The following MOB3B variants were observed in gnomAD, a reference collection of about 807,000 sequenced individuals.
MOB3B encodes MOB kinase activator 3B.
MOB3B carries 7 observed loss-of-function variants against 18.7 expected under a neutral mutation model. That is an observed-to-expected ratio of 0.37 (90% CI 0.21 to 0.70). MOB3B has a LOEUF of 0.70. Among genes scored for constraint, MOB3B ranks in the 30% least tolerant of loss-of-function variants. The pLI is 0.52. For synonymous variants in MOB3B, 111 were observed against 99.9 expected, an observed-to-expected ratio of 1.11 and a Z score of -0.66; for missense variants, 253 against 281.3, an observed-to-expected ratio of 0.90 and a Z score of 0.72.
At chr9:27,458,417 G>A (rs941365544) in intron 1 of MOB3B, among the ~76,000 whole-genome samples, 50 of 151,772 alleles carry the variant, frequency 3.3e-4, no homozygotes, top group African/African-American at 1.0e-3. Flanking sequence ...AAAGCCTTGC[G>A]TGGACTGGCA....
At chr9:27,375,606 G>A (rs1269709115) in intron 2 of MOB3B, among the ~76,000 whole-genome samples, 4 of 152,156 alleles carry the variant, frequency 2.6e-5, no homozygotes, top group African/African-American at 9.7e-5. Context: ...CTGTGGAGGA[G>A]TGTGTACTCG....
intron 3 of MOB3B, chr9:27,358,764 A>G (rs1176248466): frequency 1.5e-6 from 1 of 650,268 alleles, no homozygotes; most frequent in Non-Finnish European, 2.9e-6. Context: ...TTTGGAATTG[A>G]AAGTTAAAGC....
At chr9:27,333,548 T>C (rs1269096489) in intron 3 of MOB3B, among the ~76,000 whole-genome samples, 2 of 152,162 alleles carry the variant, frequency 1.3e-5, no homozygotes, top group African/African-American at 4.8e-5. Context: ...CCCTGTGTAT[T>C]AAGGCAGGCC....
rs898822618 is a variant in MOB3B, at chr9:27,325,248, C to G, written c.*5339G>C. 1.3e-5 allele frequency: 2 copies of G among 151,930 alleles called. No individual in the cohort carries two copies. The highest frequency in any genetic ancestry group is 1.3e-4 in the Admixed American group (2 of 15,238). The allele number at this position is 151,930 out of a possible 1,614,324, so 9.4% of individuals were successfully genotyped here. On this transcript the variant is annotated 3_prime_UTR_variant, in exon 4 of 4. Coordinates refer to ENST00000262244, the MANE Select transcript of MOB3B (RefSeq NM_024761.5). The stretch of plus-strand genomic sequence containing the variant: ...TTTTTATTTGTGACATTTGAATACC[C>G]AAGCTCACATATAACTGATTTCCTA...
At chr9:27,459,749 C>A (rs1159173921) in intron 1 of MOB3B, among the ~76,000 whole-genome samples, 1 of 151,862 alleles carries the variant, frequency 6.6e-6, no homozygotes, top group East Asian at 1.9e-4. Context: ...CAGTGAATAC[C>A]TTTTCATAAA....
At chr9:27,517,647 CAAAAAAA>C (rs756559270) in intron 1 of MOB3B, among the ~76,000 whole-genome samples, 4 of 54,272 alleles carry the variant, frequency 7.4e-5, no homozygotes, top group African/African-American at 1.6e-4. Flanking sequence ...GACTCTGTCT[CAAAAAAA>C]AAAAAAAAAA....
intron 3 of MOB3B, among the ~76,000 whole-genome samples, chr9:27,346,644 A>G (rs979355329): frequency 1.1e-4 from 17 of 152,206 alleles, no homozygotes; most frequent in Admixed American, 2.6e-4. Context: ...CTTCTATATG[A>G]AAATATTTTA....
At chr9:27,349,640 T>C (rs928392125) in intron 3 of MOB3B, among the ~76,000 whole-genome samples, 4 of 152,102 alleles carry the variant, frequency 2.6e-5, no homozygotes, top group Non-Finnish European at 5.9e-5. Flanking sequence ...GCAGAGAACA[T>C]TAAAAAAATA....
intron 2 of MOB3B, among the ~76,000 whole-genome samples, chr9:27,420,740 C>A (rs982305393): frequency 1.3e-5 from 2 of 150,382 alleles, no homozygotes; most frequent in Admixed American, 1.3e-4. Context: ...GGGAGCTAAG[C>A]TATGAGGATG....
chr9:27,402,297 T>C (rs1343929878), intron 2 of MOB3B, among the ~76,000 whole-genome samples: 1 of 152,222 alleles, frequency 6.6e-6, no homozygotes, highest in Non-Finnish European at 1.5e-5. Flanking sequence ...TGTATTTATA[T>C]GTTTCTATCA....
intron 2 of MOB3B, among the ~76,000 whole-genome samples, chr9:27,371,201 C>A (rs2131367141): frequency 6.6e-6 from 1 of 152,276 alleles, no homozygotes; most frequent in South Asian, 2.1e-4. Flanking sequence ...GAGGTGGGGG[C>A]AAGGGAGAAG....
intron 2 of MOB3B, among the ~76,000 whole-genome samples, chr9:27,442,771 C>T (rs983201926): frequency 6.6e-6 from 1 of 152,190 alleles, no homozygotes; most frequent in African/African-American, 2.4e-5. Flanking sequence ...GCTCTCTCAG[C>T]ACTTTTGTGC....
rs10812576 is a variant in MOB3B at position 27,373,011 on chromosome 9, T to G, written c.419-13775A>C. ...CCAACTATTCTAAAGAAAATGTTTA[T>G]ATTAAGAGTTTATTTATATTTAAAA... On this transcript the variant is annotated intron_variant, in intron 2 of 3. Coordinates refer to ENST00000262244, the MANE Select transcript of MOB3B (RefSeq NM_024761.5). Among the ~76,000 whole-genome samples, 91 of 152,238 alleles carry G rather than the reference T, an allele frequency of 6.0e-4. 3 individuals are homozygous for G. In the South Asian group the frequency reaches 0.018, roughly 30 times the overall value.
chr9:27,484,531 TAA>T (rs1819706609), intron 1 of MOB3B, among the ~76,000 whole-genome samples: 1 of 152,198 alleles, frequency 6.6e-6, no homozygotes. Context: ...TTACTTTAAA[TAA>T]AAAGCATAAA....
chr9:27,346,512 A>T (rs1294154899), intron 3 of MOB3B, among the ~76,000 whole-genome samples: 2 of 152,218 alleles, frequency 1.3e-5, no homozygotes, highest in Non-Finnish European at 2.9e-5. Context: ...TAACACATAA[A>T]CACATTTCCT....
rs1820243739 is a variant in MOB3B at position 27,516,915 on chromosome 9, T to C, written c.-199+12640A>G. On this transcript the variant is annotated intron_variant, in intron 1 of 3. Coordinates refer to ENST00000262244, the MANE Select transcript of MOB3B (RefSeq NM_024761.5). Reference sequence around the variant, plus strand: ...ATCTCCACTTAGCTATCTCAGACAATTCAAAGCAACTTGTCTATAACAGAA... The same window carrying C: ...ATCTCCACTTAGCTATCTCAGACAACTCAAAGCAACTTGTCTATAACAGAA... Among the ~76,000 whole-genome samples the C allele has an allele frequency of 2.6e-5, 4 of 152,136 alleles. No individual in the cohort carries two copies. The South Asian group carries it at 8.3e-4, about 31-fold the overall frequency.
chr9:27,495,510 A>G (rs897567917), intron 1 of MOB3B, among the ~76,000 whole-genome samples: 6 of 152,126 alleles, frequency 3.9e-5, no homozygotes, highest in African/African-American at 1.4e-4. Flanking sequence ...TGCCTGTTCC[A>G]CTAGGCTGGG....
At chr9:27,464,585 T>C (rs1261209749) in intron 1 of MOB3B, among the ~76,000 whole-genome samples, 1 of 152,232 alleles carries the variant, frequency 6.6e-6, no homozygotes, top group East Asian at 1.9e-4. Context: ...AGTTACAACC[T>C]CTGTATTCTG....
intron 1 of MOB3B, among the ~76,000 whole-genome samples, chr9:27,502,315 T>A (rs1025957528): frequency 6.6e-6 from 1 of 152,234 alleles, no homozygotes; most frequent in Non-Finnish European, 1.5e-5. Context: ...TACTTAATAC[T>A]AATTCCAAAT....
Sources: allele counts gnomAD v4.1 joint callset (sites outside exome capture counted in the v4.1 genomes callset), GRCh38; gene constraint gnomAD v4.1.1; transcripts MANE v1.5; gene names NCBI Gene and HGNC (gene_info 2026-07-23, HGNC 2026-07-21).